The following AKT3 variants were observed in gnomAD, a reference collection of about 807,000 sequenced individuals.
AKT3 encodes RAC-gamma serine/threonine-protein kinase.
AKT3 carries 15 observed loss-of-function variants against 65.3 expected under a neutral mutation model. That is an observed-to-expected ratio of 0.23 (90% CI 0.15 to 0.35). The LOEUF (loss-of-function observed/expected upper bound fraction) is 0.35, where lower values mean the gene tolerates loss of function less well. Ranked by LOEUF, AKT3 falls within the 10% of genes least tolerant of loss-of-function variation. The pLI, the probability that AKT3 is intolerant of heterozygous loss-of-function variation, is 1.00. For missense variants in AKT3, 243 were observed against 576.5 expected (o/e 0.42, Z 5.92); for synonymous variants, 206 against 183.8 (o/e 1.12, Z -0.98).
At chr1:243,708,336 TAATATA>T (rs1685936458) in intron 2 of AKT3, among the ~76,000 whole-genome samples, 1 of 152,026 alleles carries the variant, frequency 6.6e-6, no homozygotes. Context: ...AGCTTATAGA[TAATATA>T]AATAGAAAAG....
chr1:243,642,515 T>A (rs376344250), intron 5 of AKT3, among the ~76,000 whole-genome samples: 3 of 152,114 alleles, frequency 2.0e-5, no homozygotes, highest in East Asian at 1.9e-4. Flanking sequence ...TTCACCGTGT[T>A]AGCCAGGATG....
chr1:243,508,256 C>T (rs957904041), intron 13 of AKT3, among the ~76,000 whole-genome samples: 5 of 152,226 alleles, frequency 3.3e-5, no homozygotes, highest in South Asian at 2.1e-4. Flanking sequence ...AAAAATACTG[C>T]CCCGTTGCCC....
intron 10 of AKT3, among the ~76,000 whole-genome samples, chr1:243,556,499 C>A (rs1317385988): frequency 1.3e-5 from 2 of 152,036 alleles, no homozygotes; most frequent in African/African-American, 4.8e-5. Flanking sequence ...ACAATGCACC[C>A]AAGGCAAGCA....
At chr1:243,513,799 C>T (rs1346497871) in intron 12 of AKT3, among the ~76,000 whole-genome samples, 2 of 152,172 alleles carry the variant, frequency 1.3e-5, no homozygotes, top group Non-Finnish European at 2.9e-5. Flanking sequence ...CTGAAACAAA[C>T]TCCTCCACCA....
intron 2 of AKT3, among the ~76,000 whole-genome samples, chr1:243,742,853 CT>C (rs1180401247): frequency 4.0e-3 from 567 of 142,402 alleles, no homozygotes; most frequent in South Asian, 4.8e-3. Context: ...TCCAGGGTAT[CT>C]TTTTTTTTTT....
rs151326190 is a variant in AKT3 at position 243,668,876 on chromosome 1, T to C, written c.173-3993A>G. Reference sequence around the variant, plus strand: ...GAGAACCTGGGGATGTGCAAGACAATGAAAAGGTGGTAGAATCAATAGGTC... The same window carrying C: ...GAGAACCTGGGGATGTGCAAGACAACGAAAAGGTGGTAGAATCAATAGGTC... On this transcript the variant is annotated intron_variant, in intron 3 of 13. Transcript: ENST00000673466. Among the ~76,000 whole-genome samples the C allele has an allele frequency of 1.5e-3, 228 of 152,224 alleles. 1 individual carries two copies. The highest frequency in any genetic ancestry group is 5.3e-3 in the African/African-American group (220 of 41,546).
chr1:243,641,329 T>C (rs920734125), intron 5 of AKT3, among the ~76,000 whole-genome samples: 1 of 150,516 alleles, frequency 6.6e-6, no homozygotes, highest in Non-Finnish European at 1.5e-5. Context: ...CATATATATA[T>C]ATATATTATT....
chr1:243,748,364 A>G (rs1413605644), intron 2 of AKT3, among the ~76,000 whole-genome samples: 1 of 147,056 alleles, frequency 6.8e-6, no homozygotes, highest in Non-Finnish European at 1.5e-5. Flanking sequence ...AAAAAAAAAA[A>G]CAAGAGTTGG....
chr1:243,612,431 T>C (rs1379996422), intron 8 of AKT3: 1 of 152,190 alleles, frequency 6.6e-6, no homozygotes, highest in Non-Finnish European at 1.5e-5. Context: ...AATGAAGTTT[T>C]GCAACAAACG....
intron 12 of AKT3, among the ~76,000 whole-genome samples, chr1:243,536,351 T>C (rs1305909981): frequency 6.6e-6 from 1 of 152,210 alleles, no homozygotes; most frequent in East Asian, 1.9e-4. Flanking sequence ...GAATTTTTTA[T>C]GGTTTCAGGT....
intron 4 of AKT3, among the ~76,000 whole-genome samples, chr1:243,652,613 A>G (rs1681440020): frequency 6.6e-6 from 1 of 152,066 alleles, no homozygotes; most frequent in South Asian, 2.1e-4. Flanking sequence ...TTAAATGTAA[A>G]TGGGCTAAAT....
At chr1:243,691,353 C>A (rs1037001460) in intron 3 of AKT3, among the ~76,000 whole-genome samples, 1 of 152,110 alleles carries the variant, frequency 6.6e-6, no homozygotes, top group Non-Finnish European at 1.5e-5. Flanking sequence ...GAACTTTATC[C>A]AGTAGGCAAT....
chr1:243,829,444 C>T (rs539465671), intron 2 of AKT3, among the ~76,000 whole-genome samples: 25 of 151,704 alleles, frequency 1.6e-4, no homozygotes, highest in East Asian at 5.8e-4. Context: ...AAAAATATAC[C>T]GTAACATTAA....
intron 2 of AKT3, among the ~76,000 whole-genome samples, chr1:243,730,440 T>C (rs1349012195): frequency 1.3e-5 from 2 of 152,226 alleles, no homozygotes; most frequent in Non-Finnish European, 2.9e-5. Flanking sequence ...GCTGCAACAC[T>C]TTCCTGGCCA....
At position 243,572,923 on chromosome 1, in the gene AKT3, T is replaced by A. The variant is rs1674671412; in HGVS notation, c.819+3A>T. 1 of 1,579,100 alleles carries A rather than the reference T, an allele frequency of 6.3e-7. No individual in the cohort carries two copies. The highest frequency in any genetic ancestry group is 8.6e-7 in the Non-Finnish European group (1 of 1,167,250). Reference sequence around the variant, plus strand: ...ATTTTGATTACTTTTTTTTTTTTTTTACCTTGAGATCACGGTACACAATCT... The same window carrying A: ...ATTTTGATTACTTTTTTTTTTTTTTAACCTTGAGATCACGGTACACAATCT... On this transcript the variant is annotated splice_donor_region_variant and intron_variant, in intron 9 of 13. Transcript: ENST00000673466.
chr1:243,634,409 T>C (rs1679826217), intron 6 of AKT3, among the ~76,000 whole-genome samples: 1 of 151,926 alleles, frequency 6.6e-6, no homozygotes, highest in East Asian at 1.9e-4. Context: ...CCTTTATAAA[T>C]GGATATTAAA....
At chr1:243,761,319 TAAAG>T (rs1464136733) in intron 2 of AKT3, among the ~76,000 whole-genome samples, 1 of 152,054 alleles carries the variant, frequency 6.6e-6, no homozygotes, top group Non-Finnish European at 1.5e-5. Context: ...TGTCCAAAAA[TAAAG>T]ACTCAATGGA....
chr1:243,540,777 T>C (rs907957363), intron 12 of AKT3, among the ~76,000 whole-genome samples: 6 of 152,146 alleles, frequency 3.9e-5, no homozygotes, highest in African/African-American at 1.4e-4. Context: ...GAGTGTTCCA[T>C]CATCATTCTT....
intron 2 of AKT3, among the ~76,000 whole-genome samples, chr1:243,764,262 T>C (rs1311407626): frequency 6.6e-6 from 1 of 152,146 alleles, no homozygotes; most frequent in Non-Finnish European, 1.5e-5. Context: ...TTGTCATTTG[T>C]CATTATTAAT....
Sources: allele counts gnomAD v4.1 joint callset (sites outside exome capture counted in the v4.1 genomes callset), GRCh38; gene constraint gnomAD v4.1.1; transcripts MANE v1.5; gene names NCBI Gene and HGNC (gene_info 2026-07-23, HGNC 2026-07-21).